Variants in NEK5 observed in about 807,000 individuals in gnomAD.
NEK5 encodes NIMA related kinase 5.
NEK5 carries 88 observed loss-of-function variants against 109.2 expected under a neutral mutation model. That is an observed-to-expected ratio of 0.81 (90% CI 0.68 to 0.96). The LOEUF (loss-of-function observed/expected upper bound fraction) is 0.96. Ranked by LOEUF, NEK5 falls within the 40% of genes least tolerant of loss-of-function variation. The pLI, the probability that NEK5 is intolerant of heterozygous loss-of-function variation, is 0.00. For synonymous variants in NEK5, 283 were observed against 299.9 expected, an observed-to-expected ratio of 0.94 and a Z score of 0.58; for missense variants, 834 against 920.7, an observed-to-expected ratio of 0.91 and a Z score of 1.22.
In NEK5 at chr13:52,038,825, G is replaced by GAAAAAAAAAAAAAAAAAAAAAAAAAAAAA. The variant is rs1183060212; in HGVS notation, c.2229-1608_2229-1607insTTTTTTTTTTTTTTTTTTTTTTTTTTTTT. 2.1e-5 allele frequency among the ~76,000 whole-genome samples: 2 copies of GAAAAAAAAAAAAAAAAAAAAAAAAAAAAA among 94,566 alleles called. 1 individual carries two copies. 62.0% of individuals were successfully genotyped at this position (94,566 alleles called of 152,430 possible). On this transcript the variant is annotated intron_variant, in intron 23 of 23. Transcript: ENST00000684899. ...AGGCATCAGAGCAAGACACTCATCT[G>GAAAAAAAAAAAAAAAAAAAAAAAAAAAAA]AAAAAAAAAAAAAAAAAAAAGTGGT...
rs941165369 is a variant in NEK5, at chr13:52,081,699, C to T, written c.1572+1561G>A. Among the ~76,000 whole-genome samples the T allele has an allele frequency of 2.6e-5, 4 of 152,190 alleles. No homozygotes were observed. In the East Asian group the frequency reaches 7.7e-4, roughly 29 times the overall value. On this transcript the variant is annotated intron_variant, in intron 17 of 23. Transcript: ENST00000684899. ...TGGTGTGTTTTCTTTCAAAGTTACT[C>T]CTCTTGCATAAAATATACAAGATTT...
In NEK5 at chr13:52,073,121, A is replaced by G. The variant is rs1445988735; in HGVS notation, c.1723-1051T>C. Among the ~76,000 whole-genome samples, 6 of 152,220 alleles carry G rather than the reference A, an allele frequency of 3.9e-5. No homozygotes were observed. The East Asian group carries it at 1.2e-3, about 29-fold the overall frequency. On this transcript the variant is annotated intron_variant, in intron 19 of 23. Coordinates refer to ENST00000684899, the MANE Select transcript of NEK5 (RefSeq NM_001365552.1). The stretch of plus-strand genomic sequence containing the variant: ...GTTCAATTTTTTAGGTCAGTATATT[A>G]GTTGTTGACAATGTATCAGGTCTTC...
Position 52,127,364 on chromosome 13 carries a change from A to C in NEK5, c.117+2T>G, listed in dbSNP as rs756288853. ...TTAACAGAAATTTGAACTTAACTTT[A>C]CCTTTTCAAAATTGATCTCTTTTAT... is the stretch of plus-strand genomic sequence containing the variant. On this transcript the variant is annotated splice_donor_variant, in intron 3 of 23. Coordinates refer to ENST00000684899, the MANE Select transcript of NEK5 (RefSeq NM_001365552.1). LOFTEE classifies it high-confidence loss of function. 10 of 1,459,544 alleles carry C rather than the reference A, an allele frequency of 6.9e-6. No homozygotes were observed. In the Admixed American group the frequency reaches 1.7e-4, roughly 25 times the overall value. The allele number at this position is 1,459,544 out of a possible 1,614,324, so 90.4% of individuals were successfully genotyped here.
intron 17 of NEK5, among the ~76,000 whole-genome samples, chr13:52,080,861 C>A (rs1253214008): frequency 4.7e-5 from 7 of 148,494 alleles, no homozygotes; most frequent in Non-Finnish European, 8.9e-5. Flanking sequence ...AAATACCCCT[C>A]TGCGAGAAAC....
At chr13:52,042,470 CA>C (rs35809075) in intron 23 of NEK5, among the ~76,000 whole-genome samples, 62,279 of 146,012 alleles carry the variant, frequency 0.43, 14,806 homozygotes, top group Non-Finnish European at 0.54. Flanking sequence ...TCCACACTTA[CA>C]AAAAAAAAAG....
At chr13:52,089,961 C>CAA (rs199938730) in intron 13 of NEK5, among the ~76,000 whole-genome samples, 10 of 137,764 alleles carry the variant, frequency 7.3e-5, no homozygotes, top group East Asian at 4.2e-4. Flanking sequence ...GACTCCATCT[C>CAA]AAAAAAAAAA....
At chr13:52,058,777 C>T (rs890927194) in intron 22 of NEK5, among the ~76,000 whole-genome samples, 1 of 152,188 alleles carries the variant, frequency 6.6e-6, no homozygotes, top group Admixed American at 6.5e-5. Context: ...TGGATCCCTT[C>T]CTTATACCTT....
intron 20 of NEK5, among the ~76,000 whole-genome samples, chr13:52,066,273 G>T (rs1340723105): frequency 6.6e-6 from 1 of 151,960 alleles, no homozygotes; most frequent in Admixed American, 6.6e-5. Context: ...AGATTTTTAG[G>T]TTGCTAGTGA....
intron 23 of NEK5, among the ~76,000 whole-genome samples, chr13:52,039,270 G>C (rs1370007296): frequency 1.3e-5 from 2 of 152,206 alleles, no homozygotes; most frequent in East Asian, 3.8e-4. Flanking sequence ...TGAGCTGAGG[G>C]ATGAGGGTTT....
intron 22 of NEK5, among the ~76,000 whole-genome samples, chr13:52,053,264 C>T (rs757021920): frequency 1.3e-5 from 2 of 151,748 alleles, no homozygotes; most frequent in East Asian, 1.9e-4. Flanking sequence ...CTCCAACCTG[C>T]GTAACAAAGT....
intron 23 of NEK5, among the ~76,000 whole-genome samples, chr13:52,040,492 A>G (rs948830921): frequency 2.0e-5 from 3 of 152,192 alleles, no homozygotes; most frequent in African/African-American, 7.2e-5. Flanking sequence ...TAGCCCAAAC[A>G]GGCTAAGAGA....
intron 16 of NEK5, 46 bp from the exon 17 acceptor site, chr13:52,083,398 G>A: frequency 8.5e-7 from 1 of 1,175,906 alleles, no homozygotes; most frequent in Non-Finnish European, 1.3e-6. Context: ...TTCTGAGTGA[G>A]CTCTGAAGGC....
intron 3 of NEK5, among the ~76,000 whole-genome samples, chr13:52,125,068 T>C (rs1354376005): frequency 6.6e-6 from 1 of 152,116 alleles, no homozygotes; most frequent in East Asian, 1.9e-4. Context: ...GCGCAGCACA[T>C]AGGAGGTGAA....
intron 23 of NEK5, among the ~76,000 whole-genome samples, chr13:52,046,494 A>AG (rs928215437): frequency 1.2e-4 from 18 of 150,754 alleles, no homozygotes; most frequent in Non-Finnish European, 1.8e-4. Flanking sequence ...AAAAAAAAAA[A>AG]AAGAAGAAGA....
intron 13 of NEK5, 132 bp downstream of exon 13, chr13:52,092,922 G>C: frequency 3.1e-6 from 2 of 639,206 alleles, no homozygotes; most frequent in South Asian, 5.4e-5. Flanking sequence ...GGAACTATGT[G>C]TTTAAAATGA....
At chr13:52,099,006 T>C (rs1251593959) in intron 12 of NEK5, among the ~76,000 whole-genome samples, 4 of 152,178 alleles carry the variant, frequency 2.6e-5, no homozygotes, top group Admixed American at 6.5e-5. Context: ...GATAGCACAA[T>C]AGACTGCCTA....
intron 17 of NEK5, among the ~76,000 whole-genome samples, chr13:52,077,578 CA>C (rs1954891144): frequency 6.6e-6 from 1 of 152,020 alleles, no homozygotes; most frequent in Admixed American, 6.6e-5. Context: ...GTCTGAAAGA[CA>C]AAGACCCAAA....
At chr13:52,064,903 T>G in intron 21 of NEK5, 1 of 258,544 alleles carries the variant, frequency 3.9e-6, no homozygotes, top group South Asian at 4.6e-5. Flanking sequence ...TGTGCTTTGT[T>G]AAACAGATGC....
intron 18 of NEK5, 110 bp downstream of exon 18, chr13:52,075,953 G>C (rs749861966): frequency 1.2e-5 from 11 of 904,584 alleles, no homozygotes; most frequent in Non-Finnish European, 1.7e-5. Flanking sequence ...TCACAAAATA[G>C]AGCAATTCTA....
Sources: gnomAD v4.1 joint callset for allele counts (sites outside exome capture counted in the v4.1 genomes callset) on GRCh38, gnomAD v4.1.1 for gene constraint, MANE v1.5 for transcripts, NCBI Gene and HGNC (gene_info 2026-07-23, HGNC 2026-07-21) for gene names.